Variants in FAM117B observed in about 807,000 individuals in gnomAD.
The protein encoded by FAM117B is protein FAM117B.
A neutral mutation model predicts 52.8 loss-of-function variants in FAM117B; 22 were observed. The ratio of observed to expected loss-of-function variants is 0.42; its 90% CI spans 0.30 to 0.59. FAM117B has a LOEUF of 0.59. Ranked by LOEUF, FAM117B falls within the 20% of genes least tolerant of loss-of-function variation. FAM117B has a pLI of 0.22. For missense variants in FAM117B, 678 were observed against 802.6 expected, an observed-to-expected ratio of 0.84 and a Z score of 1.88; for synonymous variants, 309 against 324.1, an observed-to-expected ratio of 0.95 and a Z score of 0.50.
intron 4 of FAM117B, among the ~76,000 whole-genome samples, chr2:202,747,205 A>G (rs1018323158): frequency 2.6e-5 from 4 of 152,196 alleles, no homozygotes; most frequent in Admixed American, 2.0e-4. Context: ...GATACAGAAA[A>G]ACCATGTGAT....
chr2:202,755,477 C>G lies in FAM117B; in HGVS notation c.961-61C>G. On this transcript the variant is annotated intron_variant, in intron 4 of 7. Transcript: ENST00000392238. ...GTTACTTATGTCTGTTGGAATTACG[C>G]TTCAGCCTAGAAAATTAAAAGGTAA... 4 of 1,577,036 alleles carry G rather than the reference C, an allele frequency of 2.5e-6. No individual in the cohort carries two copies. The South Asian group carries it at 4.7e-5, about 18-fold the overall frequency.
chr2:202,702,356 A>G (rs1341853269), intron 2 of FAM117B, among the ~76,000 whole-genome samples: 1 of 151,912 alleles, frequency 6.6e-6, no homozygotes, highest in Non-Finnish European at 1.5e-5. Flanking sequence ...ACACCATTGC[A>G]CTCCCGCCTG....
intron 1 of FAM117B, among the ~76,000 whole-genome samples, chr2:202,651,208 C>A (rs1689950937): frequency 6.6e-6 from 1 of 151,800 alleles, no homozygotes; most frequent in African/African-American, 2.4e-5. Context: ...ATTACAGGCA[C>A]CTGTCACCAC....
chr2:202,755,398 A>G (rs982753977), intron 4 of FAM117B, 140 bp from the exon 5 acceptor site: 8 of 883,228 alleles, frequency 9.1e-6, no homozygotes, highest in Non-Finnish European at 1.4e-5. Context: ...GCTAAGGAGC[A>G]GGTTTGGTCA....
intron 1 of FAM117B, among the ~76,000 whole-genome samples, chr2:202,667,031 A>C (rs560040959): frequency 1.3e-5 from 2 of 152,210 alleles, no homozygotes; most frequent in African/African-American, 4.8e-5. Flanking sequence ...ATTTTTAAAG[A>C]GTTTAAAAAT....
intron 1 of FAM117B, among the ~76,000 whole-genome samples, chr2:202,668,646 A>C (rs1038756708): frequency 6.6e-6 from 1 of 151,346 alleles, no homozygotes; most frequent in Non-Finnish European, 1.5e-5. Context: ...AAATAAATAA[A>C]TAAATAAAAT....
rs74611705 is a variant in FAM117B at position 202,659,988 on chromosome 2, A to G, written c.601+24200A>G. On this transcript the variant is annotated intron_variant, in intron 1 of 7. Transcript: ENST00000392238. ...CAGACTGGATAATTTCTGTTGATCTATTTTTAGGCTTACTGTTTCTTTCTT... is the reference window on the plus strand; with the variant it reads ...CAGACTGGATAATTTCTGTTGATCTGTTTTTAGGCTTACTGTTTCTTTCTT... 2.8e-3 allele frequency among the ~76,000 whole-genome samples: 426 copies of G among 151,618 alleles called. 2 individuals carry two copies. The highest frequency in any genetic ancestry group is 4.3e-3 in the Non-Finnish European group (295 of 67,868).
intron 1 of FAM117B, among the ~76,000 whole-genome samples, chr2:202,660,692 C>A (rs1332919496): frequency 6.6e-6 from 1 of 152,136 alleles, no homozygotes; most frequent in Non-Finnish European, 1.5e-5. Context: ...GGATTTTTAA[C>A]CTCTCCACAC....
chr2:202,675,616 C>T (rs1690367019), intron 1 of FAM117B, among the ~76,000 whole-genome samples: 1 of 152,046 alleles, frequency 6.6e-6, no homozygotes. Flanking sequence ...TTGTTCCCAC[C>T]TTCTGGTGTT....
At chr2:202,707,159 G>A (rs1027964133) in intron 2 of FAM117B, among the ~76,000 whole-genome samples, 2 of 151,686 alleles carry the variant, frequency 1.3e-5, no homozygotes, top group Non-Finnish European at 2.9e-5. Context: ...CTCCCTCCTT[G>A]GCCTCCCAGG....
chr2:202,717,167 A>G (rs1466543454), intron 2 of FAM117B, among the ~76,000 whole-genome samples: 1 of 152,114 alleles, frequency 6.6e-6, no homozygotes, highest in Non-Finnish European at 1.5e-5. Flanking sequence ...CTTTTCAGAT[A>G]TTTGCAAAGA....
rs1691978349 is a variant in FAM117B, at chr2:202,766,191, A to G, written c.*427A>G. ...TCTTTTCTATGAAAATGACTATTTT[A>G]TAATATACCAATGTTACATTTTCTG... On this transcript the variant is annotated 3_prime_UTR_variant, in exon 8 of 8. Coordinates refer to ENST00000392238, the MANE Select transcript of FAM117B (RefSeq NM_173511.4). The G allele has an allele frequency of 6.4e-6, 1 of 157,048 alleles. No individual in the cohort carries two copies. Among genetic ancestry groups the G allele is most frequent in the African/African-American group, 2.4e-5 (1 of 41,490 alleles). The allele number at this position is 157,048 out of a possible 1,614,324, so 9.7% of individuals were successfully genotyped here. A position where few individuals can be genotyped will look rare whatever the true frequency, so the allele number is the denominator to read the frequency against.
At position 202,664,355 on chromosome 2, in the gene FAM117B, A is replaced by G. The variant is rs546481141; in HGVS notation, c.601+28567A>G. ...AGAATTAGCTTGGCAACATAGTAGAATAGCCTGGAATGTCTGAGAACTGCT... is the reference window on the plus strand; with the variant it reads ...AGAATTAGCTTGGCAACATAGTAGAGTAGCCTGGAATGTCTGAGAACTGCT... On this transcript the variant is annotated intron_variant, in intron 1 of 7. Transcript: ENST00000392238. Among the ~76,000 whole-genome samples the G allele has an allele frequency of 2.0e-5, 3 of 152,348 alleles. No individual in the cohort carries two copies. The South Asian group carries it at 6.2e-4, about 32-fold the overall frequency.
intron 1 of FAM117B, among the ~76,000 whole-genome samples, chr2:202,652,899 A>G (rs1233782566): frequency 2.0e-5 from 3 of 152,102 alleles, no homozygotes; most frequent in South Asian, 2.1e-4. Context: ...GAAAGGGAGA[A>G]CTTGCAAGAT....
intron 4 of FAM117B, among the ~76,000 whole-genome samples, chr2:202,743,832 G>A (rs1321436635): frequency 6.6e-6 from 1 of 152,098 alleles, no homozygotes; most frequent in Admixed American, 6.5e-5. Flanking sequence ...AAACAATCCA[G>A]TCAAAAAAGA....
chr2:202,643,646 C>A (rs1044233303), intron 1 of FAM117B, among the ~76,000 whole-genome samples: 1 of 152,066 alleles, frequency 6.6e-6, no homozygotes, highest in Non-Finnish European at 1.5e-5. Context: ...TCTTCCTGCC[C>A]CCTAGAAACA....
intron 1 of FAM117B, among the ~76,000 whole-genome samples, chr2:202,650,114 C>G (rs1054837852): frequency 2.6e-5 from 4 of 151,898 alleles, no homozygotes; most frequent in Admixed American, 6.6e-5. Context: ...GGAAGAAAGT[C>G]TTTTATATTT....
intron 1 of FAM117B, among the ~76,000 whole-genome samples, chr2:202,686,122 C>T (rs2105772404): frequency 6.6e-6 from 1 of 152,310 alleles, no homozygotes; most frequent in Admixed American, 6.5e-5. Flanking sequence ...TTTGATCAGA[C>T]ATATCACTGA....
chr2:202,670,655 T>C (rs1030126929), intron 1 of FAM117B, among the ~76,000 whole-genome samples: 1 of 152,164 alleles, frequency 6.6e-6, no homozygotes, highest in Non-Finnish European at 1.5e-5. Context: ...AAGACTCATA[T>C]TTCCGTCTGC....
Sources: allele counts gnomAD v4.1 joint callset (sites outside exome capture counted in the v4.1 genomes callset), GRCh38; gene constraint gnomAD v4.1.1; transcripts MANE v1.5; gene names NCBI Gene and HGNC (gene_info 2026-07-23, HGNC 2026-07-21).